ATP8B2: variants seen among roughly 807,000 people sequenced by gnomAD.
ATP8B2 encodes ATPase phospholipid transporting 8B2, also known as phospholipid-transporting ATPase ID.
In ATP8B2, 70 loss-of-function variants were observed where a neutral mutation model predicts 133.4. The observed-to-expected ratio is 0.52, with a 90% confidence interval of 0.43 to 0.64. The LOEUF is 0.64. Among genes scored for constraint, ATP8B2 ranks in the 30% least tolerant of loss-of-function variants. The pLI is 0.00. For synonymous variants in ATP8B2, 517 were observed against 589.5 expected (o/e 0.88, Z 1.78); for missense variants, 1,101 against 1,535.7 (o/e 0.72, Z 4.73).
At chr1:154,332,086 T>C in intron 8 of ATP8B2, 62 bp downstream of exon 8, 1 of 1,548,256 alleles carries the variant, frequency 6.5e-7, no homozygotes, top group Non-Finnish European at 8.9e-7. Context: ...AAAGATTGTC[T>C]TTGAATGAGG....
At chr1:154,338,640 A>G (rs1413487536) in intron 12 of ATP8B2, 1 of 152,236 alleles carries the variant, frequency 6.6e-6, no homozygotes, top group Non-Finnish European at 1.5e-5. Context: ...AGCCTGGGCA[A>G]CGAGCGAAAC....
At position 154,343,682 on chromosome 1, in the gene ATP8B2, G is replaced by A. The variant is rs1292984244; in HGVS notation, c.1758+114G>A. The A allele has an allele frequency of 1.8e-6, 2 of 1,089,382 alleles. No homozygotes were observed. Among genetic ancestry groups the A allele is most frequent in the Non-Finnish European group, 2.7e-6 (2 of 738,506 alleles). 67.5% of individuals were successfully genotyped at this position (1,089,382 alleles called of 1,614,324 possible). On this transcript the variant is annotated intron_variant, in intron 17 of 27. Transcript: ENST00000368489. This position sits in a 1 kb window ranked among gnomAD's most constrained non-coding sequence, Gnocchi z 5.8. The stretch of plus-strand genomic sequence containing the variant: ...AAGGTCTACAACGTGATGTTTTGAT[G>A]TGTATATATAGTGAAGTGATTACTA...
chr1:154,340,811 C>T lies in ATP8B2; in HGVS notation c.1035-43C>T, dbSNP rs767975587. 5 of 1,597,938 alleles carry T rather than the reference C, an allele frequency of 3.1e-6. No homozygotes were observed. Among genetic ancestry groups the T allele is most frequent in the South Asian group, 1.1e-5 (1 of 90,646 alleles). On this transcript the variant is annotated intron_variant, in intron 12 of 27. Transcript: ENST00000368489. The surrounding 1 kb of genome is among the most constrained non-coding windows in gnomAD (Gnocchi z 4.0). Reference sequence around the variant, plus strand: ...AAGGCCCATGTGGGTGGGGCACCTCCTCTTCTTCCCGACCCAAGCCTCACC... The same window carrying T: ...AAGGCCCATGTGGGTGGGGCACCTCTTCTTCTTCCCGACCCAAGCCTCACC...
rs781160220 is a variant in ATP8B2, at chr1:154,348,885, C to G, written c.3340C>G (p.Arg1114Gly). 33 of 1,613,200 alleles carry G rather than the reference C, an allele frequency of 2.0e-5. No individual in the cohort carries two copies. The Admixed American group carries it at 5.3e-4, about 26-fold the overall frequency. Reference sequence around the variant, plus strand: ...GAGGAAGAAGCAGAAGGCCCAGCACCGCTGCATGCGGCGGGTTGGCCGCAC... The same window carrying G: ...GAGGAAGAAGCAGAAGGCCCAGCACGGCTGCATGCGGCGGGTTGGCCGCAC... The part of the protein sequence containing the change: ...LVRKKQKAQH[R>G]CMRRVGRTGS... Residue 1114 changes from arginine (R) to glycine (G), a missense_variant, in exon 28 of 28, where the codon CGC becomes GGC. Coordinates refer to ENST00000368489, the MANE Select transcript of ATP8B2 (RefSeq NM_001370597.1).
At chr1:154,326,401 T>G (rs1022851460) in intron 1 of ATP8B2, among the ~76,000 whole-genome samples, 1 of 152,088 alleles carries the variant, frequency 6.6e-6, no homozygotes, top group Non-Finnish European at 1.5e-5. Context: ...CATGGAGCAT[T>G]GCCTGCTTGC....
chr1:154,341,181 C>A (rs1272471829), intron 13 of ATP8B2, 119 bp downstream of exon 13: 1 of 1,089,422 alleles, frequency 9.2e-7, no homozygotes, highest in South Asian at 1.3e-5. Context: ...GTCTGAGGGG[C>A]CTAGAAGAAA....
intron 11 of ATP8B2, among the ~76,000 whole-genome samples, chr1:154,335,377 A>C (rs915555064): frequency 1.3e-5 from 2 of 152,180 alleles, no homozygotes; most frequent in Non-Finnish European, 2.9e-5. Context: ...AGACTCCAAA[A>C]TTTATAAGAT....
In ATP8B2 at chr1:154,345,919, G is replaced by T; in HGVS notation, c.2778+36G>T. The T allele has an allele frequency of 6.5e-7, 1 of 1,547,566 alleles. No homozygotes were observed. ...GTTTGATGATCAGATGGGATGCGGG[G>T]AAGGTCACTGCTTGAAGGAGTCACA... On this transcript the variant is annotated intron_variant, in intron 24 of 27. Transcript: ENST00000368489. The surrounding 1 kb of genome is among the most constrained non-coding windows in gnomAD (Gnocchi z 5.6).
At position 154,343,785 on chromosome 1, in the gene ATP8B2, G is replaced by A; in HGVS notation, c.1759-108G>A. ...TATGTGGTGACAGTCCCTAACTGTGGAATGTGGCACACACCCAGTCTACAG... is the reference window on the plus strand; with the variant it reads ...TATGTGGTGACAGTCCCTAACTGTGAAATGTGGCACACACCCAGTCTACAG... On this transcript the variant is annotated intron_variant, in intron 17 of 27. Transcript: ENST00000368489. The surrounding 1 kb of genome is among the most constrained non-coding windows in gnomAD (Gnocchi z 5.8). The A allele has an allele frequency of 7.5e-7, 1 of 1,338,864 alleles. No individual in the cohort carries two copies. The highest frequency in any genetic ancestry group is 1.0e-6 in the Non-Finnish European group (1 of 978,872). 82.9% of individuals were successfully genotyped at this position (1,338,864 alleles called of 1,614,324 possible). A position where few individuals can be genotyped will look rare whatever the true frequency, so the allele number is the denominator to read the frequency against.
At position 154,342,968 on chromosome 1, in the gene ATP8B2, C is replaced by G. The variant is rs367928953; in HGVS notation, c.1453+7C>G. On this transcript the variant is annotated splice_region_variant and intron_variant, in intron 15 of 27. Transcript: ENST00000368489. ...TCAGAAGAAAAGAACGAAGGTGGGC[C>G]GAGGAGCCGGCTCGCACTCTCCTGA... 2.5e-6 allele frequency: 4 copies of G among 1,613,316 alleles called. No individual in the cohort carries two copies. The highest frequency in any genetic ancestry group is 2.2e-5 in the South Asian group (2 of 91,040).
chr1:154,345,841 G>A lies in ATP8B2; in HGVS notation c.2736G>A (p.Val912=). ...ATTTCATCACCCTGTATAACATCGT[G>A]TACACCTCCCTGCCAGTCCTGGCTA... is the stretch of plus-strand genomic sequence containing the variant. ...DQYFITLYNI[V]YTSLPVLAMG... Residue 912 remains valine (V), a synonymous_variant, in exon 24 of 28, where the codon GTG becomes GTA. Coordinates refer to ENST00000368489, the MANE Select transcript of ATP8B2 (RefSeq NM_001370597.1). The surrounding 1 kb of genome is among the most constrained non-coding windows in gnomAD (Gnocchi z 5.6). The A allele has an allele frequency of 6.2e-7, 1 of 1,613,848 alleles. No individual in the cohort carries two copies. Among genetic ancestry groups the A allele is most frequent in the Non-Finnish European group, 8.5e-7 (1 of 1,179,736 alleles).
chr1:154,334,987 C>T lies in ATP8B2; in HGVS notation c.837+396C>T, dbSNP rs543889409. On this transcript the variant is annotated intron_variant, in intron 11 of 27. Coordinates refer to ENST00000368489, the MANE Select transcript of ATP8B2 (RefSeq NM_001370597.1). This position sits in a 1 kb window ranked among gnomAD's most constrained non-coding sequence, Gnocchi z 4.6. The stretch of plus-strand genomic sequence containing the variant: ...GTCTTTTCCCCCCAACTTCTAAGAA[C>T]GAAGGATCCCAAAGGAAAAGTTTCT... 2.0e-5 allele frequency among the ~76,000 whole-genome samples: 3 copies of T among 152,212 alleles called. No homozygotes were observed. The highest frequency in any genetic ancestry group is 4.4e-5 in the Non-Finnish European group (3 of 68,018).
Position 154,334,769 on chromosome 1 carries a change from TA to T in ATP8B2, c.837+185del, listed in dbSNP as rs1686117227. 6.6e-6 allele frequency among the ~76,000 whole-genome samples: 1 copy of T among 152,066 alleles called. No individual in the cohort carries two copies. Among genetic ancestry groups the T allele is most frequent in the African/African-American group, 2.4e-5 (1 of 41,396 alleles). On this transcript the variant is annotated intron_variant, in intron 11 of 27. Transcript: ENST00000368489. The surrounding 1 kb of genome is among the most constrained non-coding windows in gnomAD (Gnocchi z 4.6). ...CTCCTTTTAGTTGGAAGATGTTATT[TA>T]AAAAAACTTCAGGAACGTGCATGAA...
Position 154,345,926 on chromosome 1 carries a change from A to G in ATP8B2, c.2778+43A>G. ...GATCAGATGGGATGCGGGGAAGGTC[A>G]CTGCTTGAAGGAGTCACATAGACGT... On this transcript the variant is annotated intron_variant, in intron 24 of 27. Transcript: ENST00000368489. This position sits in a 1 kb window ranked among gnomAD's most constrained non-coding sequence, Gnocchi z 5.6. The G allele has an allele frequency of 6.5e-7, 1 of 1,534,436 alleles. No individual in the cohort carries two copies. Among genetic ancestry groups the G allele is most frequent in the East Asian group, 2.2e-5 (1 of 44,526 alleles).
intron 27 of ATP8B2, 68 bp downstream of exon 27, chr1:154,348,606 T>C (rs1686676720): frequency 4.4e-6 from 7 of 1,578,124 alleles, no homozygotes. Flanking sequence ...ATGTGAACAC[T>C]GGGGGGCTCT....
chr1:154,332,471 T>C (rs571624192), intron 8 of ATP8B2, 147 bp from the exon 9 acceptor site: 1 of 636,856 alleles, frequency 1.6e-6, no homozygotes, highest in East Asian at 2.8e-5. Context: ...GGCGGGAGGA[T>C]TGTTTGAGCC....
intron 9 of ATP8B2, among the ~76,000 whole-genome samples, chr1:154,333,642 G>A (rs1686077597): frequency 1.3e-5 from 1 of 74,964 alleles, no homozygotes; most frequent in African/African-American, 4.3e-5. Flanking sequence ...TCATGCTGCA[G>A]CTTTTTTTTT....
chr1:154,342,208 G>T (rs913864512), intron 13 of ATP8B2, among the ~76,000 whole-genome samples: 1 of 152,000 alleles, frequency 6.6e-6, no homozygotes, highest in African/African-American at 2.4e-5. Context: ...TGCCCTGAGG[G>T]GGGTGCCGCC....
Position 154,327,885 on chromosome 1 carries a change from G to A in ATP8B2, c.-37-220G>A, listed in dbSNP as rs781484592. 1.1e-5 allele frequency: 17 copies of A among 1,607,578 alleles called. No individual in the cohort carries two copies. The South Asian group carries it at 1.5e-4, about 15-fold the overall frequency. ...AGGCATGGGCTTCTGTAAAGTCTCA[G>A]CCCCCCATGTCACCCAAGGCAGGGG... On this transcript the variant is annotated intron_variant, in intron 1 of 27. Coordinates refer to ENST00000368489, the MANE Select transcript of ATP8B2 (RefSeq NM_001370597.1).
Sources: allele counts gnomAD v4.1 joint callset (sites outside exome capture counted in the v4.1 genomes callset), GRCh38; gene constraint gnomAD v4.1.1; non-coding constraint Gnocchi (gnomAD v3.1); transcripts MANE v1.5; gene names NCBI Gene and HGNC (gene_info 2026-07-23, HGNC 2026-07-21).